The following GRHL1 variants were observed in gnomAD, a reference collection of about 807,000 sequenced individuals.
GRHL1 encodes grainyhead-like protein 1 homolog.
A neutral mutation model predicts 75.7 loss-of-function variants in GRHL1; 38 were observed. The ratio of observed to expected loss-of-function variants is 0.50; its 90% CI spans 0.39 to 0.66. The LOEUF (loss-of-function observed/expected upper bound fraction) is 0.66. Ranked by LOEUF, GRHL1 falls within the 30% of genes least tolerant of loss-of-function variation. The pLI, the probability that GRHL1 is intolerant of heterozygous loss-of-function variation, is 0.00. For missense variants in GRHL1, 589 were observed against 767.5 expected (o/e 0.77, Z 2.75); for synonymous variants, 266 against 279.4 (o/e 0.95, Z 0.48).
At chr2:9,962,326 C>G in intron 4 of GRHL1, 129 bp from the exon 5 acceptor site, 1 of 597,576 alleles carries the variant, frequency 1.7e-6, no homozygotes, top group South Asian at 2.2e-5. Context: ...AAAATTTTTA[C>G]TCAAAAATAA....
chr2:9,956,934 A>G (rs1191329287), intron 2 of GRHL1, among the ~76,000 whole-genome samples: 2 of 151,990 alleles, frequency 1.3e-5, no homozygotes, highest in South Asian at 4.1e-4. Context: ...AAGGGTGACA[A>G]TTTTAGTGGT....
At chr2:9,963,117 A>G (rs1157802846) in intron 5 of GRHL1, among the ~76,000 whole-genome samples, 1 of 152,188 alleles carries the variant, frequency 6.6e-6, no homozygotes, top group Non-Finnish European at 1.5e-5. Flanking sequence ...GGGAATTGAG[A>G]CTTCCCTTAT....
chr2:9,964,494 C>T, intron 7 of GRHL1, 148 bp downstream of exon 7: 1 of 584,670 alleles, frequency 1.7e-6, no homozygotes, highest in East Asian at 2.9e-5. Flanking sequence ...CTGTCCTCGG[C>T]CTCCTGGAAC....
chr2:9,975,856 A>G (rs1177275236), intron 8 of GRHL1, among the ~76,000 whole-genome samples: 1 of 152,176 alleles, frequency 6.6e-6, no homozygotes, highest in Admixed American at 6.5e-5. Flanking sequence ...ATTGCATTCC[A>G]GCCTGGGCAA....
intron 8 of GRHL1, among the ~76,000 whole-genome samples, chr2:9,971,726 C>T (rs2125220951): frequency 6.6e-6 from 1 of 152,288 alleles, no homozygotes; most frequent in South Asian, 2.1e-4. Context: ...AGAGTTGTAG[C>T]TTGACCGGTA....
In GRHL1 at chr2:9,977,863, A is replaced by G. The variant is rs1558304868; in HGVS notation, c.1111-8261A>G. Among the ~76,000 whole-genome samples the G allele has an allele frequency of 2.0e-5, 3 of 146,694 alleles. No homozygotes were observed. In the East Asian group the frequency reaches 5.8e-4, roughly 28 times the overall value. ...GTCCATTTTCATGCTGCTGATAAAG[A>G]CATACCCGAGACTGGGTAATTTATA... On this transcript the variant is annotated intron_variant, in intron 8 of 15. Coordinates refer to ENST00000324907, the MANE Select transcript of GRHL1 (RefSeq NM_198182.3).
intron 14 of GRHL1, among the ~76,000 whole-genome samples, chr2:9,998,482 A>G (rs560110271): frequency 0.011 from 51 of 4,610 alleles, 7 homozygotes; most frequent in African/African-American, 0.034. Context: ...ATATATATAC[A>G]TATATATACG....
chr2:9,958,191 T>TTTTG (rs1667116609), intron 2 of GRHL1, among the ~76,000 whole-genome samples: 1 of 150,680 alleles, frequency 6.6e-6, no homozygotes, highest in Non-Finnish European at 1.5e-5. Flanking sequence ...TTTTTTTTTT[T>TTTTG]GAGTCAGGAA....
intron 15 of GRHL1, among the ~76,000 whole-genome samples, chr2:9,999,832 GTTAAT>G (rs909098100): frequency 2.0e-5 from 3 of 152,176 alleles, no homozygotes; most frequent in Non-Finnish European, 4.4e-5. Context: ...CTTAATAGTA[GTTAAT>G]TTATTTTTGT....
At chr2:9,991,123 T>C (rs920314275) in intron 10 of GRHL1, among the ~76,000 whole-genome samples, 1 of 152,242 alleles carries the variant, frequency 6.6e-6, no homozygotes, top group African/African-American at 2.4e-5. Flanking sequence ...GAATTCAAGA[T>C]GTCTTAACTC....
chr2:9,998,629 TAC>T (rs1553307042), intron 14 of GRHL1, among the ~76,000 whole-genome samples: 4 of 34,196 alleles, frequency 1.2e-4, no homozygotes, highest in African/African-American at 5.7e-4. Context: ...TGTACACATA[TAC>T]ATATATATGT....
chr2:9,975,480 C>T (rs977051608), intron 8 of GRHL1, among the ~76,000 whole-genome samples: 5 of 152,160 alleles, frequency 3.3e-5, no homozygotes, highest in Non-Finnish European at 7.3e-5. Flanking sequence ...AAATAGTCAA[C>T]TTAAGTATTC....
Position 9,995,932 on chromosome 2 carries a change from C to A in GRHL1, c.1553C>A (p.Pro518His), listed in dbSNP as rs369383978. Residue 518 changes from proline (P) to histidine (H), a missense_variant, in exon 13 of 16, where the codon CCT becomes CAT. By Grantham distance (77) the Pro-to-His change is moderately conservative (BLOSUM62 -2). This residue lies in a region of GRHL1 where 192 missense variants were observed against 226.6 expected (regional missense o/e 0.85). Transcript: ENST00000324907. ...YGTEDDFAVPPSTKLARIEEP... is the reference protein window; with the variant it reads ...YGTEDDFAVPHSTKLARIEEP... ...ACAGAAGATGACTTTGCTGTCCCTC[C>A]TTCTACCAAGCTGGCCCGGATAGAA... 2.4e-5 allele frequency: 38 copies of A among 1,612,918 alleles called. No individual in the cohort carries two copies. The highest frequency in any genetic ancestry group is 6.7e-5 in the Admixed American group (4 of 60,004).
chr2:9,998,453 TATATAC>T (rs1558319510), intron 14 of GRHL1, among the ~76,000 whole-genome samples: 4 of 70,836 alleles, frequency 5.6e-5, no homozygotes, highest in Non-Finnish European at 7.7e-5. Context: ...TGTGTGTATA[TATATAC>T]ATATATATAC....
At chr2:9,969,949 TCTC>T (rs1211078866) in intron 8 of GRHL1, among the ~76,000 whole-genome samples, 1 of 150,676 alleles carries the variant, frequency 6.6e-6, no homozygotes, top group Non-Finnish European at 1.5e-5. Flanking sequence ...TTCACGCCAT[TCTC>T]CTGTCTCAGC....
rs565565956 is a variant in GRHL1, at chr2:9,951,726, C to T, written c.-108C>T. The T allele has an allele frequency of 9.4e-7, 1 of 1,066,070 alleles. No homozygotes were observed. Among genetic ancestry groups the T allele is most frequent in the Middle Eastern group, 2.2e-4 (1 of 4,648 alleles). The allele number at this position is 1,066,070 out of a possible 1,614,324, so 66.0% of individuals were successfully genotyped here. A position where few individuals can be genotyped will look rare whatever the true frequency, so the allele number is the denominator to read the frequency against. Reference sequence around the variant, plus strand: ...AAAAGCAAACCCAACCCGTCGGGGCCGCCGCTCCGGACCCGCAGCCGCCGC... The same window carrying T: ...AAAAGCAAACCCAACCCGTCGGGGCTGCCGCTCCGGACCCGCAGCCGCCGC... On this transcript the variant is annotated 5_prime_UTR_variant, in exon 1 of 16. Coordinates refer to ENST00000324907, the MANE Select transcript of GRHL1 (RefSeq NM_198182.3). The surrounding 1 kb of genome is among the most constrained non-coding windows in gnomAD (Gnocchi z 4.2).
At position 9,951,765 on chromosome 2, in the gene GRHL1, C is replaced by G. The variant is rs1407133086; in HGVS notation, c.-69C>G. ...CGCAGCCGCCGCCGCCGCCTCCTCC[C>G]CCCGGATCGGGTGTACTGTCCCAAC... On this transcript the variant is annotated 5_prime_UTR_variant, in exon 1 of 16. Coordinates refer to ENST00000324907, the MANE Select transcript of GRHL1 (RefSeq NM_198182.3). The surrounding 1 kb of genome is among the most constrained non-coding windows in gnomAD (Gnocchi z 4.2). 1.4e-6 allele frequency: 2 copies of G among 1,439,066 alleles called. No individual in the cohort carries two copies. The highest frequency in any genetic ancestry group is 1.9e-6 in the Non-Finnish European group (2 of 1,075,054). The allele number at this position is 1,439,066 out of a possible 1,614,324, so 89.1% of individuals were successfully genotyped here.
intron 2 of GRHL1, 37 bp from the exon 3 acceptor site, chr2:9,958,749 A>T: frequency 6.5e-7 from 1 of 1,528,156 alleles, no homozygotes; most frequent in Non-Finnish European, 9.1e-7. Context: ...ACTTCACTGG[A>T]TAAGAGCTAA....
At chr2:9,981,586 C>G (rs1668199892) in intron 8 of GRHL1, among the ~76,000 whole-genome samples, 1 of 152,246 alleles carries the variant, frequency 6.6e-6, no homozygotes, top group Non-Finnish European at 1.5e-5. Context: ...TACACTATTA[C>G]TGCAGAGTCG....
Sources: allele counts gnomAD v4.1 joint callset (sites outside exome capture counted in the v4.1 genomes callset), GRCh38; gene constraint gnomAD v4.1.1; regional missense constraint gnomAD v4.1.1; non-coding constraint Gnocchi (gnomAD v3.1); transcripts MANE v1.5; gene names NCBI Gene and HGNC (gene_info 2026-07-23, HGNC 2026-07-21).